The following SSC5D variants were observed in gnomAD, a reference collection of about 807,000 sequenced individuals.
The protein encoded by SSC5D is scavenger receptor cysteine rich family member with 5 domains.
Under a neutral mutation model 104.6 loss-of-function variants are expected in SSC5D, and 106 were observed. The ratio of observed to expected loss-of-function variants is 1.01; its 90% confidence interval spans 0.87 to 1.19. The LOEUF (loss-of-function observed/expected upper bound fraction) is 1.19. SSC5D is among the 50% of genes most tolerant of loss of function. The probability of loss-of-function intolerance (pLI) is 0.00; values close to 1 mark genes in which losing one functional copy is unlikely to be tolerated. For synonymous variants in SSC5D, 860 were observed against 883.5 expected (o/e 0.97, Z 0.47); for missense variants, 1,993 against 2,153.8 (o/e 0.93, Z 1.48).
chr19:55,498,640 C>T (rs1987390938), intron 9 of SSC5D, among the ~76,000 whole-genome samples: 1 of 152,216 alleles, frequency 6.6e-6, no homozygotes, highest in Non-Finnish European at 1.5e-5. Context: ...TATTAAATTG[C>T]AGAGGCTGAG....
chr19:55,490,044 GC>G lies in SSC5D; in HGVS notation c.475+57del, dbSNP rs371994295. 31 of 1,304,810 alleles carry G rather than the reference GC, an allele frequency of 2.4e-5. 1 individual carries two copies. The highest frequency in any genetic ancestry group is 1.1e-4 in the African/African-American group (5 of 44,350). 80.8% of individuals were successfully genotyped at this position (1,304,810 alleles called of 1,614,324 possible). A position where few individuals can be genotyped will look rare whatever the true frequency, so the allele number is the denominator to read the frequency against. On this transcript the variant is annotated intron_variant, in intron 4 of 13. Coordinates refer to ENST00000389623, the MANE Select transcript of SSC5D (RefSeq NM_001144950.2). ...CAACCCCCACCCAGCGTGCCCTCCT[GC>G]CCCCCCCGAGGGGAGAGGGACTGCC...
At chr19:55,510,202 T>C (rs1987726173) in intron 12 of SSC5D, among the ~76,000 whole-genome samples, 1 of 152,194 alleles carries the variant, frequency 6.6e-6, no homozygotes, top group Non-Finnish European at 1.5e-5. Flanking sequence ...TTTCAACATG[T>C]TGGCCAGGCT....
intron 9 of SSC5D, among the ~76,000 whole-genome samples, chr19:55,499,200 A>G (rs995227945): frequency 6.6e-6 from 1 of 152,350 alleles, no homozygotes; most frequent in African/African-American, 2.4e-5. Context: ...AAAGGCTTCG[A>G]AGTCATCTCC....
chr19:55,493,896 C>CG lies in SSC5D; in HGVS notation c.1201dup (p.Ala401GlyfsTer4). 2 of 1,462,998 alleles carry CG rather than the reference C, an allele frequency of 1.4e-6. No individual in the cohort carries two copies. The highest frequency in any genetic ancestry group is 1.8e-6 in the Non-Finnish European group (2 of 1,095,400). 90.6% of individuals were successfully genotyped at this position (1,462,998 alleles called of 1,614,324 possible). ...ATGACTGTCACCACCGCGAGGACGC[C>CG]GGGGCCGTGTGTGACGGTGAGGGGG... On this transcript the variant is annotated frameshift_variant, in exon 7 of 14. Transcript: ENST00000389623. LOFTEE classifies it high-confidence loss of function.
At chr19:55,514,705 C>T (rs3976501) in intron 13 of SSC5D, among the ~76,000 whole-genome samples, 25,530 of 151,844 alleles carry the variant, frequency 0.17, 2,293 homozygotes, top group East Asian at 0.24. Context: ...GCCCATTTCT[C>T]AGATGAGTGA....
chr19:55,489,210 A>G (rs1987054828), intron 2 of SSC5D, 144 bp from the exon 3 acceptor site: 1 of 1,066,274 alleles, frequency 9.4e-7, no homozygotes, highest in Non-Finnish European at 1.3e-6. Flanking sequence ...CTGAGCACCC[A>G]GGAGTCTGGG....
At chr19:55,488,732 C>CCTT (rs760234277) in intron 1 of SSC5D, 118 bp downstream of exon 1, 33 of 898,160 alleles carry the variant, frequency 3.7e-5, no homozygotes, top group Non-Finnish European at 5.0e-5. Flanking sequence ...TCCTGCATAC[C>CCTT]CTGACATCCC....
At chr19:55,502,059 C>T (rs1987518574) in intron 12 of SSC5D, among the ~76,000 whole-genome samples, 2 of 152,232 alleles carry the variant, frequency 1.3e-5, no homozygotes, top group Admixed American at 1.3e-4. Flanking sequence ...TGCGCCACCA[C>T]ACCCGGCTCA....
At position 55,494,910 on chromosome 19, in the gene SSC5D, G is replaced by A. The variant is rs577247346; in HGVS notation, c.1387+127G>A. On this transcript the variant is annotated intron_variant, in intron 8 of 13. Transcript: ENST00000389623. ...TGGAGAAGAGGAGCACAGGGGCCTC[G>A]CCCAGGACACTGAGCTGGGTTCAAT... 1.9e-4 allele frequency: 213 copies of A among 1,123,790 alleles called. No individual in the cohort carries two copies. In the African/African-American group the frequency reaches 2.7e-3, roughly 14 times the overall value. 69.6% of individuals were successfully genotyped at this position (1,123,790 alleles called of 1,614,324 possible).
In SSC5D at chr19:55,518,406, C is replaced by T. The variant is rs1429281965; in HGVS notation, c.4130C>T (p.Thr1377Ile). The change falls in exon 14 of 14, where the codon ACA becomes ATA. Residue 1377 changes from threonine to isoleucine, a missense_variant. Around this residue, in one of 6 missense-constraint regions of SSC5D, gnomAD observed 349 missense variants for 397.6 expected, o/e 0.88. Coordinates refer to ENST00000389623, the MANE Select transcript of SSC5D (RefSeq NM_001144950.2). Reference protein sequence around the residue: ...TFTAPAPHTSTSQIPTLEPSP... With the variant: ...TFTAPAPHTSISQIPTLEPSP... ...ACAGCACCTGCCCCTCACACCTCCACATCCCAGATACCCACCTTAGAGCCC... is the reference window on the plus strand; with the variant it reads ...ACAGCACCTGCCCCTCACACCTCCATATCCCAGATACCCACCTTAGAGCCC... 2.6e-6 allele frequency: 4 copies of T among 1,551,290 alleles called. No homozygotes were observed. The African/African-American group carries it at 4.1e-5, about 16-fold the overall frequency.
At chr19:55,497,719 G>C in intron 8 of SSC5D, among the ~76,000 whole-genome samples, 161 bp from the exon 9 acceptor site, 1 of 152,276 alleles carries the variant, frequency 6.6e-6, no homozygotes, top group Middle Eastern at 3.4e-3. Flanking sequence ...CACAAAAAAG[G>C]CCTCATGAAA....
chr19:55,512,683 A>G (rs1482271514), intron 12 of SSC5D, among the ~76,000 whole-genome samples: 1 of 152,028 alleles, frequency 6.6e-6, no homozygotes, highest in Admixed American at 6.6e-5. Context: ...GGGTTTCTCC[A>G]TGTTGGCCAG....
Position 55,497,997 on chromosome 19 carries a change from C to A in SSC5D, c.1505C>A (p.Ala502Asp). The A allele has an allele frequency of 1.3e-6, 2 of 1,551,806 alleles. No individual in the cohort carries two copies. Among genetic ancestry groups the A allele is most frequent in the South Asian group, 2.4e-5 (2 of 84,058 alleles). Reference sequence around the variant, plus strand: ...GATAGCTGGGACATGCGGGATTCAGCTGTGGTCTGCCGGGAGCTGGGCTGT... The same window carrying A: ...GATAGCTGGGACATGCGGGATTCAGATGTGGTCTGCCGGGAGCTGGGCTGT... Reference protein sequence around the residue: ...CDDSWDMRDSAVVCRELGCGG... With the variant: ...CDDSWDMRDSDVVCRELGCGG... The change falls in exon 9 of 14, where the codon GCT (alanine) becomes GAT (aspartate). Residue 502 changes from alanine (A) to aspartate (D), a missense_variant. By Grantham distance (126) the Ala-to-Asp change is moderately radical. Coordinates refer to ENST00000389623, the MANE Select transcript of SSC5D (RefSeq NM_001144950.2).
rs540765106 is a variant in SSC5D at position 55,494,291 on chromosome 19, G to A, written c.1214-319G>A. On this transcript the variant is annotated intron_variant, in intron 7 of 13. Transcript: ENST00000389623. Reference sequence around the variant, plus strand: ...AGAGGCGAGGATGAGCCTCAGCCCCGTGGCAGCCCTGGCTGGCCCTGCCTC... The same window carrying A: ...AGAGGCGAGGATGAGCCTCAGCCCCATGGCAGCCCTGGCTGGCCCTGCCTC... Among the ~76,000 whole-genome samples the A allele has an allele frequency of 5.3e-5, 8 of 152,268 alleles. No individual in the cohort carries two copies. The South Asian group carries it at 6.2e-4, about 12-fold the overall frequency.
intron 12 of SSC5D, among the ~76,000 whole-genome samples, chr19:55,511,664 C>T (rs564969121): frequency 2.9e-4 from 44 of 152,200 alleles, no homozygotes; most frequent in African/African-American, 1.0e-3. Context: ...GCAAACCTGC[C>T]CTCCTAACTC....
At position 55,500,143 on chromosome 19, in the gene SSC5D, C is replaced by CT; in HGVS notation, c.2034dup (p.Glu679Ter). ...ACTGAGGCCTCCCGAAGACCTACCTCTGAGTTTACCAGAAGGCCGACCACG... is the reference window on the plus strand; with the variant it reads ...ACTGAGGCCTCCCGAAGACCTACCTCTTGAGTTTACCAGAAGGCCGACCACG... On this transcript the variant is annotated frameshift_variant, in exon 10 of 14. Transcript: ENST00000389623. LOFTEE classifies it high-confidence loss of function. The surrounding 1 kb of genome is among the most constrained non-coding windows in gnomAD (Gnocchi z 4.6). The CT allele has an allele frequency of 6.4e-7, 1 of 1,551,726 alleles. No individual in the cohort carries two copies. Among genetic ancestry groups the CT allele is most frequent in the Non-Finnish European group, 8.7e-7 (1 of 1,146,962 alleles).
rs375342302 is a variant in SSC5D at position 55,490,661 on chromosome 19, A to G, written c.587-111A>G. On this transcript the variant is annotated intron_variant, in intron 5 of 13. Transcript: ENST00000389623. ...ACCTCTTCACGGGCTGCCGGCGGACAGATCTCAGGCCACCGCTCCCTCAGG... is the reference window on the plus strand; with the variant it reads ...ACCTCTTCACGGGCTGCCGGCGGACGGATCTCAGGCCACCGCTCCCTCAGG... 41 of 1,270,102 alleles carry G rather than the reference A, an allele frequency of 3.2e-5. No homozygotes were observed. In the East Asian group the frequency reaches 9.9e-4, roughly 31 times the overall value. 78.7% of individuals were successfully genotyped at this position (1,270,102 alleles called of 1,614,324 possible).
In SSC5D at chr19:55,498,099, G is replaced by A. The variant is rs1000968632; in HGVS notation, c.1607G>A (p.Gly536Asp). 2 of 1,551,574 alleles carry A rather than the reference G, an allele frequency of 1.3e-6. No homozygotes were observed. Among genetic ancestry groups the A allele is most frequent in the African/African-American group, 1.4e-5 (1 of 73,036 alleles). ...GGCCCCATCTGGCTAGATGATGTGG[G>A]CTGTGTGGGGACCGAGGCTTCACTG... is the stretch of plus-strand genomic sequence containing the variant. ...GAGPIWLDDV[G>D]CVGTEASLSD... Residue 536 changes from glycine (G) to aspartate (D), a missense_variant, in exon 9 of 14, where the codon GGC becomes GAC. By Grantham distance (94) the Gly-to-Asp change is moderately conservative (BLOSUM62 -1). Transcript: ENST00000389623.
chr19:55,509,607 A>G (rs1335744496), intron 12 of SSC5D, among the ~76,000 whole-genome samples: 1 of 150,600 alleles, frequency 6.6e-6, no homozygotes, highest in Non-Finnish European at 1.5e-5. Context: ...CTGTAATCCC[A>G]GCACTTTGAG....
Sources: gnomAD v4.1 joint callset for allele counts (sites outside exome capture counted in the v4.1 genomes callset) on GRCh38, gnomAD v4.1.1 for gene constraint, gnomAD v4.1.1 regional missense constraint, Gnocchi (gnomAD v3.1) non-coding constraint, MANE v1.5 for transcripts, NCBI Gene and HGNC (gene_info 2026-07-23, HGNC 2026-07-21) for gene names.